The following OOSP1 variants were observed in gnomAD, a reference collection of about 807,000 sequenced individuals.
OOSP1 encodes putative oocyte-secreted protein 1 homolog.
Under a neutral mutation model 5.7 loss-of-function variants are expected in OOSP1, and 11 were observed. That is an observed-to-expected ratio of 1.94 (90% CI 1.22 to 3.20). OOSP1 has a LOEUF of 3.20. OOSP1 is among the 30% of genes most tolerant of loss of function. The pLI is 0.00. For synonymous variants in OOSP1, 44 were observed against 20.0 expected (o/e 2.20, Z -3.20); for missense variants, 83 against 54.1 (o/e 1.53, Z -1.67).
chr11:59,944,034 GA>G (rs1853857722), intron 2 of OOSP1, among the ~76,000 whole-genome samples: 2 of 152,194 alleles, frequency 1.3e-5, no homozygotes, highest in Non-Finnish European at 2.9e-5. Flanking sequence ...GTTTTTGGGA[GA>G]AAGAAGATTG....
intron 3 of OOSP1, among the ~76,000 whole-genome samples, chr11:59,947,010 T>A (rs1446379682): frequency 6.6e-6 from 1 of 151,904 alleles, no homozygotes; most frequent in Non-Finnish European, 1.5e-5. Flanking sequence ...AATAAAAAAA[T>A]TTAGAAAATT....
At chr11:59,941,384 C>CTT (rs575640589) in intron 1 of OOSP1, among the ~76,000 whole-genome samples, 1 of 145,306 alleles carries the variant, frequency 6.9e-6, no homozygotes, top group African/African-American at 2.5e-5. Flanking sequence ...CATTTATGTA[C>CTT]TTTTTTTTTT....
At chr11:59,941,994 G>T (rs959994082) in intron 1 of OOSP1, among the ~76,000 whole-genome samples, 1 of 152,034 alleles carries the variant, frequency 6.6e-6, no homozygotes, top group Non-Finnish European at 1.5e-5. Context: ...ATAGTTATTT[G>T]CAATATGTAT....
At chr11:59,957,098 G>T (rs942039415) in intron 4 of OOSP1, 97 bp from the exon 5 acceptor site, 8 of 391,908 alleles carry the variant, frequency 2.0e-5, no homozygotes, top group Admixed American at 8.9e-5. Context: ...ACCTAAATTT[G>T]TTCCTTTTAA....
intron 4 of OOSP1, among the ~76,000 whole-genome samples, chr11:59,953,693 C>G (rs953166305): frequency 2.0e-5 from 3 of 152,076 alleles, no homozygotes; most frequent in Non-Finnish European, 4.4e-5. Context: ...TTTGGGCAGC[C>G]CAGAAATCAG....
intron 2 of OOSP1, among the ~76,000 whole-genome samples, chr11:59,943,970 A>G (rs981132170): frequency 6.6e-6 from 1 of 152,262 alleles, no homozygotes; most frequent in African/African-American, 2.4e-5. Flanking sequence ...TAACACAGAA[A>G]GCAAAAGCAA....
chr11:59,945,139 A>G (rs1267922386), intron 2 of OOSP1, 30 bp from the exon 3 acceptor site: 6 of 702,036 alleles, frequency 8.5e-6, no homozygotes, highest in Admixed American at 4.0e-5. Context: ...TGAGACAAAC[A>G]TGGGTTTAAA....
At chr11:59,943,881 A>AT (rs1853855732) in intron 2 of OOSP1, among the ~76,000 whole-genome samples, 1 of 152,322 alleles carries the variant, frequency 6.6e-6, no homozygotes, top group South Asian at 2.1e-4. Context: ...GATATTACTT[A>AT]TTTTTTTCAT....
exon 5 of OOSP1, chr11:59,957,332 C>G: frequency 2.5e-6 from 1 of 396,944 alleles, no homozygotes. Context: ...TTTCATTTAT[C>G]CATCCAAGGT....
At position 59,954,976 on chromosome 11, in the gene OOSP1, A is replaced by G. The variant is rs77172830; in HGVS notation, c.487-2219A>G. 4.7e-4 allele frequency among the ~76,000 whole-genome samples: 72 copies of G among 152,132 alleles called. No homozygotes were observed. In the East Asian group the frequency reaches 0.01, roughly 22 times the overall value. ...GAAATCAAGAATCCTTTTGTTAGAC[A>G]AAGAGAACATTTAGAGGTGCTATAC... On this transcript the variant is annotated intron_variant, in intron 4 of 4. Coordinates refer to ENST00000646685, the Ensembl canonical transcript of OOSP1.
chr11:59,942,799 G>T, intron 1 of OOSP1, 48 bp from the exon 2 acceptor site: 2 of 672,940 alleles, frequency 3.0e-6, no homozygotes, highest in South Asian at 3.2e-5. Flanking sequence ...TTTTTGAGCT[G>T]ATCTATGTAA....
At chr11:59,947,925 A>G (rs1184504313) in intron 4 of OOSP1, 63 bp downstream of exon 4, 1 of 397,752 alleles carries the variant, frequency 2.5e-6, no homozygotes, top group Non-Finnish European at 4.4e-6. Flanking sequence ...GATACCAGTC[A>G]ATACAATTGT....
intron 3 of OOSP1, among the ~76,000 whole-genome samples, chr11:59,947,121 A>AT (rs201232346): frequency 6.6e-6 from 1 of 151,814 alleles, no homozygotes; most frequent in South Asian, 2.1e-4. Context: ...CTGAACTGAA[A>AT]TTTTTTTTCC....
intron 3 of OOSP1, among the ~76,000 whole-genome samples, chr11:59,946,520 T>C (rs1262913196): frequency 6.6e-6 from 1 of 152,184 alleles, no homozygotes; most frequent in Non-Finnish European, 1.5e-5. Context: ...CTTCAAAAGT[T>C]GTTACAACTG....
intron 3 of OOSP1, among the ~76,000 whole-genome samples, chr11:59,946,820 T>A (rs1028671657): frequency 1.3e-5 from 2 of 150,510 alleles, no homozygotes; most frequent in East Asian, 3.9e-4. Context: ...TGGGTTAAGA[T>A]TGGGTCTTTT....
intron 1 of OOSP1, 125 bp downstream of exon 1, chr11:59,938,655 C>A (rs1320956659): frequency 2.5e-6 from 1 of 402,828 alleles, no homozygotes; most frequent in African/African-American, 2.1e-5. Flanking sequence ...AGGGGTGGTG[C>A]CTCTTTTCGA....
chr11:59,941,103 A>G (rs1394951435), intron 1 of OOSP1, among the ~76,000 whole-genome samples: 1 of 152,132 alleles, frequency 6.6e-6, no homozygotes, highest in African/African-American at 2.4e-5. Context: ...TCAAGCACAG[A>G]TCTGTTCTCC....
At chr11:59,950,669 C>T (rs562323363) in intron 4 of OOSP1, among the ~76,000 whole-genome samples, 3 of 152,098 alleles carry the variant, frequency 2.0e-5, no homozygotes, top group Non-Finnish European at 2.9e-5. Context: ...ATGTGAGGGG[C>T]ATTGATGACT....
intron 1 of OOSP1, 112 bp from the exon 2 acceptor site, chr11:59,942,735 T>C (rs1791948486): frequency 1.7e-6 from 1 of 591,656 alleles, no homozygotes; most frequent in Admixed American, 3.0e-5. Flanking sequence ...CTTAAGACAT[T>C]TTGTTTTAGT....
Sources: allele counts gnomAD v4.1 joint callset (sites outside exome capture counted in the v4.1 genomes callset), GRCh38; gene constraint gnomAD v4.1.1; transcripts MANE v1.5; gene names NCBI Gene and HGNC (gene_info 2026-07-23, HGNC 2026-07-21).